PRKAR1B: variants seen among roughly 807,000 people sequenced by gnomAD.
PRKAR1B encodes cAMP-dependent protein kinase type I-beta regulatory subunit.
A neutral mutation model predicts 46.5 loss-of-function variants in PRKAR1B; 22 were observed. The observed-to-expected ratio is 0.47, with a 90% CI of 0.34 to 0.68. The LOEUF (loss-of-function observed/expected upper bound fraction) is 0.68. Ranked by LOEUF, PRKAR1B falls within the 30% of genes least tolerant of loss-of-function variation. The pLI is 0.01. For synonymous variants in PRKAR1B, 259 were observed against 217.7 expected (o/e 1.19, Z -1.67); for missense variants, 445 against 535.6 (o/e 0.83, Z 1.67).
chr7:551,930 C>G (rs80186590), intron 9 of PRKAR1B, among the ~76,000 whole-genome samples: 6 of 127,888 alleles, frequency 4.7e-5, no homozygotes, highest in Non-Finnish European at 9.9e-5. Context: ...ACGTCACCAC[C>G]CAAACCCCCA....
intron 9 of PRKAR1B, among the ~76,000 whole-genome samples, chr7:562,553 A>T (rs1778867747): frequency 6.6e-6 from 1 of 152,170 alleles, no homozygotes; most frequent in Non-Finnish European, 1.5e-5. Context: ...AGCCCTCTCC[A>T]CCAGGCCTGC....
At chr7:558,077 G>C (rs969313218) in intron 9 of PRKAR1B, among the ~76,000 whole-genome samples, 1 of 151,958 alleles carries the variant, frequency 6.6e-6, no homozygotes, top group African/African-American at 2.4e-5. Context: ...ACTTTGGGAC[G>C]CCGAGGTGGG....
chr7:607,401 AAC>A lies in PRKAR1B; in HGVS notation c.490_491del (p.Val164TyrfsTer6). 1 of 1,613,862 alleles carries A rather than the reference AAC, an allele frequency of 6.2e-7. No homozygotes were observed. The highest frequency in any genetic ancestry group is 8.5e-7 in the Non-Finnish European group (1 of 1,179,764). On this transcript the variant is annotated frameshift_variant, in exon 5 of 11. Transcript: ENST00000537384. LOFTEE classifies it high-confidence loss of function. ...FPVTHIAGET[V>X]IQQGNEGDNF... Reference sequence around the variant, plus strand: ...GCAGGCAGAACGTACCTTGCTGTATAACAGTCTCCCCAGCGATGTGAGTGACA... The same window carrying A: ...GCAGGCAGAACGTACCTTGCTGTATAAGTCTCCCCAGCGATGTGAGTGACA...
intron 8 of PRKAR1B, among the ~76,000 whole-genome samples, chr7:582,064 A>G (rs969327306): frequency 6.6e-6 from 1 of 152,244 alleles, no homozygotes; most frequent in African/African-American, 2.4e-5. Context: ...TTCACCATGT[A>G]AACTGCAGAA....
intron 9 of PRKAR1B, among the ~76,000 whole-genome samples, chr7:557,810 T>C (rs537748669): frequency 8.5e-5 from 13 of 152,076 alleles, no homozygotes; most frequent in African/African-American, 3.1e-4. Flanking sequence ...AGAGTCTGGG[T>C]TTTTTTGGGC....
chr7:614,648 C>T (rs778554306), intron 4 of PRKAR1B, among the ~76,000 whole-genome samples: 5 of 152,220 alleles, frequency 3.3e-5, no homozygotes, highest in Admixed American at 6.5e-5. Context: ...CAGTGGCTCA[C>T]GGCCTATAAT....
intron 7 of PRKAR1B, among the ~76,000 whole-genome samples, chr7:592,488 G>A (rs866415229): frequency 1.2e-4 from 18 of 151,290 alleles, no homozygotes; most frequent in African/African-American, 3.9e-4. Context: ...CGGCTGTGCC[G>A]AGTCACTCCG....
At chr7:700,033 G>C (rs1279082273) in intron 2 of PRKAR1B, among the ~76,000 whole-genome samples, 2 of 152,190 alleles carry the variant, frequency 1.3e-5, no homozygotes, top group African/African-American at 4.8e-5. Flanking sequence ...GCCAGAGGTA[G>C]GATCTCTCTT....
chr7:576,393 C>T (rs1008149768), intron 9 of PRKAR1B, among the ~76,000 whole-genome samples: 24 of 152,324 alleles, frequency 1.6e-4, no homozygotes, highest in African/African-American at 3.6e-4. Context: ...CACTGTTGAA[C>T]GAGTCCTCTA....
chr7:681,798 G>A (rs1019837534), intron 2 of PRKAR1B, among the ~76,000 whole-genome samples: 5 of 152,196 alleles, frequency 3.3e-5, no homozygotes, highest in East Asian at 1.9e-4. Context: ...TCATGCATCC[G>A]GCATGGTCTT....
intron 2 of PRKAR1B, among the ~76,000 whole-genome samples, chr7:695,220 G>A (rs1023731362): frequency 2.0e-4 from 31 of 152,172 alleles, no homozygotes; most frequent in Non-Finnish European, 4.4e-4. Flanking sequence ...GGCTGAAGAC[G>A]TGGGATCAGA....
At chr7:584,155 C>G (rs1780466731) in intron 8 of PRKAR1B, among the ~76,000 whole-genome samples, 1 of 151,774 alleles carries the variant, frequency 6.6e-6, no homozygotes, top group South Asian at 2.1e-4. Flanking sequence ...GTACCGGGAG[C>G]CAACACTGGC....
chr7:726,555 G>A, intron 1 of PRKAR1B: 2 of 476,562 alleles, frequency 4.2e-6, no homozygotes, highest in Non-Finnish European at 6.6e-6. Flanking sequence ...TCCGGCGACA[G>A]AGGGGGACAG....
At chr7:681,993 C>G (rs1778710276) in intron 2 of PRKAR1B, among the ~76,000 whole-genome samples, 1 of 152,024 alleles carries the variant, frequency 6.6e-6, no homozygotes, top group Non-Finnish European at 1.5e-5. Context: ...GAGCCCCTTT[C>G]TCACTGCAAT....
At chr7:721,294 C>T in intron 1 of PRKAR1B, among the ~76,000 whole-genome samples, 1 of 152,188 alleles carries the variant, frequency 6.6e-6, no homozygotes. Context: ...ACATTGACTT[C>T]TATTTTTATC....
intron 2 of PRKAR1B, among the ~76,000 whole-genome samples, chr7:688,195 G>A (rs1779205207): frequency 6.6e-6 from 1 of 151,644 alleles, no homozygotes; most frequent in South Asian, 2.1e-4. Context: ...GAGGTCAGGA[G>A]TTCGAGACCA....
chr7:627,600 G>A (rs1002814670), intron 4 of PRKAR1B, among the ~76,000 whole-genome samples: 2 of 152,154 alleles, frequency 1.3e-5, no homozygotes, highest in Non-Finnish European at 2.9e-5. Context: ...CACACCGTCC[G>A]GGGCACCCCA....
chr7:728,096 C>T (rs1367624254), upstream of PRKAR1B, among the ~76,000 whole-genome samples: 1 of 152,174 alleles, frequency 6.6e-6, no homozygotes, highest in Non-Finnish European at 1.5e-5. Flanking sequence ...CGCTTCTCCC[C>T]TCCACTTTAT....
At chr7:652,957 T>C (rs766449183) in intron 4 of PRKAR1B, among the ~76,000 whole-genome samples, 1 of 152,192 alleles carries the variant, frequency 6.6e-6, no homozygotes, top group Non-Finnish European at 1.5e-5. Context: ...TGGTTGGTGG[T>C]GGCCACCGGC....
Sources: gnomAD v4.1 joint callset for allele counts (sites outside exome capture counted in the v4.1 genomes callset) on GRCh38, gnomAD v4.1.1 for gene constraint, MANE v1.5 for transcripts, NCBI Gene and HGNC (gene_info 2026-07-23, HGNC 2026-07-21) for gene names.